ANKMY1: variants seen among roughly 807,000 people sequenced by gnomAD.
ANKMY1 encodes ankyrin repeat and MYND domain-containing protein 1.
In ANKMY1, 98 loss-of-function variants were observed where a neutral mutation model predicts 102.0. The observed-to-expected ratio is 0.96, with a 90% CI of 0.82 to 1.14. The LOEUF is 1.14. Among genes scored for constraint, ANKMY1 ranks in the 50% most tolerant of loss-of-function variants. The pLI is 0.00. For missense variants in ANKMY1, 1,330 were observed against 1,347.6 expected (o/e 0.99, Z 0.20); for synonymous variants, 582 against 559.9 (o/e 1.04, Z -0.56).
chr2:240,561,016 C>A (rs982096102), upstream of ANKMY1: 3 of 1,533,856 alleles, frequency 2.0e-6, no homozygotes, highest in African/African-American at 4.2e-5. Context: ...AGCCGCTCGG[C>A]CGCCGTCTGC....
chr2:240,501,647 G>A (rs570707237), intron 13 of ANKMY1, among the ~76,000 whole-genome samples: 6 of 152,324 alleles, frequency 3.9e-5, no homozygotes, highest in African/African-American at 9.6e-5. Context: ...CACATTCCAC[G>A]CAAACACTGG....
chr2:240,515,845 G>A (rs1157087234), intron 9 of ANKMY1, among the ~76,000 whole-genome samples: 1 of 151,282 alleles, frequency 6.6e-6, no homozygotes, highest in East Asian at 2.0e-4. Flanking sequence ...AGCCTCCCGA[G>A]TAGCTGGGAC....
intron 5 of ANKMY1, chr2:240,526,692 A>G (rs1395386570): frequency 7.1e-7 from 1 of 1,407,642 alleles, no homozygotes; most frequent in Non-Finnish European, 9.2e-7. Context: ...CTGTCCCGAC[A>G]GGAATGTGCT....
chr2:240,537,374 G>GTGAT (rs1235799776), intron 4 of ANKMY1, among the ~76,000 whole-genome samples: 2 of 152,182 alleles, frequency 1.3e-5, no homozygotes, highest in African/African-American at 4.8e-5. Flanking sequence ...AATAGCTCCT[G>GTGAT]TGATTTTAAT....
upstream of ANKMY1, chr2:240,558,148 G>T: frequency 4.9e-6 from 1 of 204,456 alleles, no homozygotes; most frequent in Non-Finnish European, 8.6e-6. Flanking sequence ...GGGCCTCGGT[G>T]CCAGCCTCCC....
chr2:240,525,358 T>G (rs1294621263), intron 7 of ANKMY1, among the ~76,000 whole-genome samples: 1 of 152,246 alleles, frequency 6.6e-6, no homozygotes, highest in Non-Finnish European at 1.5e-5. Context: ...CGGTTAGGCA[T>G]GCAGATTCTC....
At position 240,552,919 on chromosome 2, in the gene ANKMY1, A is replaced by G. The variant is rs1360536785; in HGVS notation, c.475T>C (p.Phe159Leu). 6.2e-7 allele frequency: 1 copy of G among 1,613,706 alleles called. No individual in the cohort carries two copies. The highest frequency in any genetic ancestry group is 8.5e-7 in the Non-Finnish European group (1 of 1,180,004). The change falls in exon 4 of 18, where the codon TTC becomes CTC. Residue 159 changes from phenylalanine to leucine, a missense_variant. Transcript: ENST00000401804. The part of the protein sequence containing the change: ...YGTMYMKTRL[F>L]QGLYKADQRF... ...ACACATGGCAGCCCCCTCACCTGGA[A>G]AAGCCGTGTCTTCATGTACATGGTG...
At chr2:240,560,869 G>GC (rs1310514156), upstream of ANKMY1, 1 of 1,388,962 alleles carries the variant, frequency 7.2e-7, no homozygotes, top group African/African-American at 1.5e-5. Flanking sequence ...CGCGCGCCCG[G>GC]CGTGGCAGAG....
Position 240,506,251 on chromosome 2 carries a change from T to C in ANKMY1, c.2526+1309A>G, listed in dbSNP as rs887157182. Among the ~76,000 whole-genome samples, 4 of 152,168 alleles carry C rather than the reference T, an allele frequency of 2.6e-5. No individual in the cohort carries two copies. The highest frequency in any genetic ancestry group is 5.9e-5 in the Non-Finnish European group (4 of 68,030). On this transcript the variant is annotated intron_variant, in intron 13 of 17. Coordinates refer to ENST00000401804, the MANE Select transcript of ANKMY1 (RefSeq NM_001282771.3). This position sits in a 1 kb window ranked among gnomAD's most constrained non-coding sequence, Gnocchi z 4.9. ...GCTGCCCCCTGAGCTGCCTCTCCCG[T>C]CTCGCGTCCTTTCTCTATTTACTCA... is the stretch of plus-strand genomic sequence containing the variant.
intron 8 of ANKMY1, among the ~76,000 whole-genome samples, chr2:240,521,491 C>CCT (rs2082260706): frequency 4.3e-5 from 3 of 69,592 alleles, no homozygotes; most frequent in Admixed American, 3.7e-4. Context: ...GGTGTTACAG[C>CCT]TTTTTTTTTT....
At chr2:240,496,706 T>C (rs1384233072) in intron 15 of ANKMY1, among the ~76,000 whole-genome samples, 1 of 152,212 alleles carries the variant, frequency 6.6e-6, no homozygotes, top group Non-Finnish European at 1.5e-5. Context: ...AGGATCTCTT[T>C]GACTGTCTCC....
intron 16 of ANKMY1, among the ~76,000 whole-genome samples, chr2:240,481,574 A>G (rs2075393502): frequency 6.6e-6 from 1 of 152,172 alleles, no homozygotes; most frequent in Non-Finnish European, 1.5e-5. Context: ...GTCCTGCACC[A>G]GTCCCCTCTC....
intron 15 of ANKMY1, among the ~76,000 whole-genome samples, chr2:240,483,478 T>C (rs2075681157): frequency 6.6e-6 from 1 of 152,214 alleles, no homozygotes; most frequent in Admixed American, 6.5e-5. Context: ...ATTTATCATG[T>C]GTCTCCTGTA....
chr2:240,486,837 G>A (rs576897515), intron 15 of ANKMY1, among the ~76,000 whole-genome samples: 15 of 152,128 alleles, frequency 9.9e-5, no homozygotes, highest in African/African-American at 1.9e-4. Context: ...CTTTGAATAC[G>A]TCATCCCACT....
chr2:240,509,454 C>T lies in ANKMY1; in HGVS notation c.2288G>A (p.Cys763Tyr). The change falls in exon 12 of 18, where the codon TGT (cysteine) becomes TAT (tyrosine). Residue 763 changes from cysteine to tyrosine, a missense_variant and splice_region_variant. Physicochemically the swap from Cys to Tyr is radical, Grantham distance 194. Coordinates refer to ENST00000401804, the MANE Select transcript of ANKMY1 (RefSeq NM_001282771.3). The part of the protein sequence containing the change: ...MACEREDDNK[C>Y]ARDIVRLLLS... Reference sequence around the variant, plus strand: ...AAGGAGCCGGACTATGTCCCTGGCACACTGGGTGGGGAGAAATGACAGGTT... The same window carrying T: ...AAGGAGCCGGACTATGTCCCTGGCATACTGGGTGGGGAGAAATGACAGGTT... 1.2e-6 allele frequency: 2 copies of T among 1,610,224 alleles called. No individual in the cohort carries two copies. Among genetic ancestry groups the T allele is most frequent in the East Asian group, 2.2e-5 (1 of 44,792 alleles).
rs542792361 is a variant in ANKMY1 at position 240,517,486 on chromosome 2, C to T, written c.2004+2876G>A. On this transcript the variant is annotated intron_variant, in intron 9 of 17. Transcript: ENST00000401804. ...TCTGAGATTCCTTGTGAAATATTCC[C>T]GCAAAGCCAACTTAGGATAGCCTGT... Among the ~76,000 whole-genome samples, 19 of 152,190 alleles carry T rather than the reference C, an allele frequency of 1.2e-4. No individual in the cohort carries two copies. The South Asian group carries it at 2.1e-3, about 17-fold the overall frequency.
At chr2:240,504,894 C>A (rs1455219100) in intron 13 of ANKMY1, among the ~76,000 whole-genome samples, 3 of 152,000 alleles carry the variant, frequency 2.0e-5, no homozygotes, top group Non-Finnish European at 4.4e-5. Context: ...GTAATCCCAA[C>A]AAGAATCACT....
At position 240,530,039 on chromosome 2, in the gene ANKMY1, G is replaced by A. The variant is rs375881471; in HGVS notation, c.481-530C>T. Among the ~76,000 whole-genome samples the A allele has an allele frequency of 6.4e-4, 97 of 152,294 alleles. 2 individuals carry two copies. Among genetic ancestry groups the A allele is most frequent in the African/African-American group, 2.3e-3 (95 of 41,560 alleles). On this transcript the variant is annotated intron_variant, in intron 4 of 17. Coordinates refer to ENST00000401804, the MANE Select transcript of ANKMY1 (RefSeq NM_001282771.3). ...AGGAGGGGAGGAGCAAAGGGAAGGA[G>A]AAAGAGGGGGACAGAGGAAGAAGGG...
chr2:240,560,031 T>C (rs998355191), upstream of ANKMY1: 1 of 152,336 alleles, frequency 6.6e-6, no homozygotes, highest in Non-Finnish European at 1.5e-5. Context: ...ATAAATTACT[T>C]AGAAACAGCA....
Sources: allele counts gnomAD v4.1 joint callset (sites outside exome capture counted in the v4.1 genomes callset), GRCh38; gene constraint gnomAD v4.1.1; non-coding constraint Gnocchi (gnomAD v3.1); transcripts MANE v1.5; gene names NCBI Gene and HGNC (gene_info 2026-07-23, HGNC 2026-07-21).